Variants in FAM78A observed in about 807,000 individuals in gnomAD.
FAM78A encodes family with sequence similarity 78 member A.
FAM78A carries 12 observed loss-of-function variants against 22.6 expected under a neutral mutation model. The ratio of observed to expected loss-of-function variants is 0.53; its 90% CI spans 0.34 to 0.86. The LOEUF (loss-of-function observed/expected upper bound fraction) is 0.86, where lower values mean the gene tolerates loss of function less well. Among genes scored for constraint, FAM78A ranks in the 40% least tolerant of loss-of-function variants. The probability of loss-of-function intolerance (pLI) is 0.02; values close to 1 mark genes in which losing one functional copy is unlikely to be tolerated. For missense variants in FAM78A, 322 were observed against 396.1 expected, an observed-to-expected ratio of 0.81 and a Z score of 1.59; for synonymous variants, 151 against 155.8, an observed-to-expected ratio of 0.97 and a Z score of 0.23.
rs759476585 is a variant in FAM78A, at chr9:131,275,601, G to A, written c.323+256C>T. Among the ~76,000 whole-genome samples the A allele has an allele frequency of 1.5e-4, 23 of 152,230 alleles. No homozygotes were observed. The highest frequency in any genetic ancestry group is 2.6e-4 in the Non-Finnish European group (18 of 68,042). ...CTCTCTGCTTTCTCGGCATCTTGCA[G>A]GGAAGGACACAGGAACCCGGGGGGA... On this transcript the variant is annotated intron_variant, in intron 1 of 1. Transcript: ENST00000372271. This position sits in a 1 kb window ranked among gnomAD's most constrained non-coding sequence, Gnocchi z 4.6.
chr9:131,277,881 C>T (rs1393452720), upstream of FAM78A, among the ~76,000 whole-genome samples: 1 of 151,182 alleles, frequency 6.6e-6, no homozygotes, highest in Non-Finnish European at 1.5e-5. This position sits in a 1 kb window ranked among gnomAD's most constrained non-coding sequence, Gnocchi z 8.4. Flanking sequence ...CTGCCTCGCT[C>T]TGCTGCAGCA....
rs1024033115 is a variant in FAM78A, at chr9:131,258,488, G to GGGGCC, written c.*2329_*2333dup. On this transcript the variant is annotated 3_prime_UTR_variant, in exon 2 of 2. Coordinates refer to ENST00000372271, the MANE Select transcript of FAM78A (RefSeq NM_033387.4). ...GTGGGTCAGGGGGCAAGGTGGGCTG[G>GGGGCC]GGGCCGGGCATGCAGTGGGAGGGGT... The GGGGCC allele has an allele frequency of 3.3e-5, 5 of 152,300 alleles. No individual in the cohort carries two copies. The highest frequency in any genetic ancestry group is 1.2e-4 in the African/African-American group (5 of 41,460). 9.4% of individuals were successfully genotyped at this position (152,300 alleles called of 1,614,324 possible).
In FAM78A at chr9:131,258,784, G is replaced by A. The variant is rs570421812; in HGVS notation, c.*2038C>T. The stretch of plus-strand genomic sequence containing the variant: ...CTCAGACATGCAGCTGGGACCCACT[G>A]TTCCCCTAAGGCTACTGCCTTTCGG... On this transcript the variant is annotated 3_prime_UTR_variant, in exon 2 of 2. Coordinates refer to ENST00000372271, the MANE Select transcript of FAM78A (RefSeq NM_033387.4). 2.6e-5 allele frequency: 4 copies of A among 152,254 alleles called. No homozygotes were observed. Among genetic ancestry groups the A allele is most frequent in the African/African-American group, 4.8e-5 (2 of 41,448 alleles). 9.4% of individuals were successfully genotyped at this position (152,254 alleles called of 1,614,324 possible).
chr9:131,266,102 A>C (rs1835340787), intron 1 of FAM78A, among the ~76,000 whole-genome samples: 1 of 150,546 alleles, frequency 6.6e-6, no homozygotes, highest in African/African-American at 2.4e-5. Context: ...GCCATCCTGG[A>C]CTCTCCCTCG....
rs34943494 is a variant in FAM78A at position 131,269,101 on chromosome 9, CAA to C, written c.323+6754_323+6755del. Reference sequence around the variant, plus strand: ...GGGCGACAAGAACAAAACTTCGTCTCAAAAAAAAAAAAAAAAAAAAGAAGTGT... The same window carrying C: ...GGGCGACAAGAACAAAACTTCGTCTCAAAAAAAAAAAAAAAAAAGAAGTGT... On this transcript the variant is annotated intron_variant, in intron 1 of 1. Transcript: ENST00000372271. Among the ~76,000 whole-genome samples the C allele has an allele frequency of 1.1e-3, 95 of 89,784 alleles. 2 individuals are homozygous for C. Among genetic ancestry groups the C allele is most frequent in the South Asian group, 7.6e-3 (21 of 2,774 alleles). 58.9% of individuals were successfully genotyped at this position (89,784 alleles called of 152,430 possible).
In FAM78A at chr9:131,260,979, C is replaced by T. The variant is rs78360442; in HGVS notation, c.695G>A (p.Arg232Gln). 1.0e-4 allele frequency: 169 copies of T among 1,613,116 alleles called. No individual in the cohort carries two copies. The highest frequency in any genetic ancestry group is 5.1e-4 in the East Asian group (23 of 44,860). ...GGGCTGGTCCTGGGCGATGGGCTCC[C>T]GCAGCCGGGCGCGCTGGCCCAGGGG... ...NRPLGQRARL[R>Q]EPIAQDQPKI... is the part of the protein sequence containing the mutation. The change falls in exon 2 of 2, where the codon CGG becomes CAG. Residue 232 changes from arginine (R) to glutamine (Q), a missense_variant. Physicochemically the swap from Arg to Gln is conservative, Grantham distance 43. Coordinates refer to ENST00000372271, the MANE Select transcript of FAM78A (RefSeq NM_033387.4). This position sits in a 1 kb window ranked among gnomAD's most constrained non-coding sequence, Gnocchi z 5.4.
chr9:131,260,629 AT>A lies in FAM78A; in HGVS notation c.*192del. On this transcript the variant is annotated 3_prime_UTR_variant, in exon 2 of 2. Transcript: ENST00000372271. The surrounding 1 kb of genome is among the most constrained non-coding windows in gnomAD (Gnocchi z 5.4). ...CGTGGGGTCTGTCTGTCCTGCTTAGATCTCCCCTCTCCCTGAAAGGAAGCAG... is the reference window on the plus strand; with the variant it reads ...CGTGGGGTCTGTCTGTCCTGCTTAGACTCCCCTCTCCCTGAAAGGAAGCAG... 1 of 569,644 alleles carries A rather than the reference AT, an allele frequency of 1.8e-6. No homozygotes were observed. The highest frequency in any genetic ancestry group is 3.7e-5 in the Admixed American group (1 of 27,102). The allele number at this position is 569,644 out of a possible 1,614,324, so 35.3% of individuals were successfully genotyped here. A position where few individuals can be genotyped will look rare whatever the true frequency, so the allele number is the denominator to read the frequency against.
rs1835469768 is a variant in FAM78A, at chr9:131,275,423, G to C, written c.323+434C>G. Reference sequence around the variant, plus strand: ...GCAAAGCCCTGAACACACCGGTCTGGGAGTTGCAGAGTGCCTGAATGTCTG... The same window carrying C: ...GCAAAGCCCTGAACACACCGGTCTGCGAGTTGCAGAGTGCCTGAATGTCTG... On this transcript the variant is annotated intron_variant, in intron 1 of 1. Transcript: ENST00000372271. The surrounding 1 kb of genome is among the most constrained non-coding windows in gnomAD (Gnocchi z 4.6). Among the ~76,000 whole-genome samples, 1 of 152,244 alleles carries C rather than the reference G, an allele frequency of 6.6e-6. No individual in the cohort carries two copies. The highest frequency in any genetic ancestry group is 2.4e-5 in the African/African-American group (1 of 41,452).
At chr9:131,266,685 G>A (rs1367586257) in intron 1 of FAM78A, among the ~76,000 whole-genome samples, 5 of 152,068 alleles carry the variant, frequency 3.3e-5, no homozygotes, top group Admixed American at 3.3e-4. Context: ...TCATGAGGGT[G>A]ATTAAATACT....
intron 1 of FAM78A, among the ~76,000 whole-genome samples, chr9:131,266,488 CTCCTCCTCCTCCACTCCTCTT>C (rs1263481592): frequency 6.6e-6 from 1 of 151,986 alleles, no homozygotes; most frequent in African/African-American, 2.4e-5. Context: ...CATCCTCATC[CTCCTCCTCCTCCACTCCTCTT>C]TCCTCCTCCT....
At chr9:131,277,354 C>A (rs1333748456), upstream of FAM78A, among the ~76,000 whole-genome samples, 1 of 151,918 alleles carries the variant, frequency 6.6e-6, no homozygotes, top group Non-Finnish European at 1.5e-5. This position sits in a 1 kb window ranked among gnomAD's most constrained non-coding sequence, Gnocchi z 8.4. Context: ...GCCGTCGGAT[C>A]CGGCGGGCAC....
intron 1 of FAM78A, among the ~76,000 whole-genome samples, chr9:131,269,084 A>G (rs1251941990): frequency 6.9e-6 from 1 of 145,942 alleles, no homozygotes; most frequent in Admixed American, 6.9e-5. Flanking sequence ...CTGGGCGACA[A>G]GAACAAAACT....
upstream of FAM78A, among the ~76,000 whole-genome samples, chr9:131,277,530 G>T (rs1215954977): frequency 6.6e-6 from 1 of 151,820 alleles, no homozygotes; most frequent in Admixed American, 6.6e-5. The surrounding 1 kb of genome is among the most constrained non-coding windows in gnomAD (Gnocchi z 8.4). Context: ...CCCCACTCGG[G>T]CGGCGCCGCC....
chr9:131,267,173 C>G (rs1236420073), intron 1 of FAM78A, among the ~76,000 whole-genome samples: 1 of 152,146 alleles, frequency 6.6e-6, no homozygotes, highest in East Asian at 1.9e-4. Flanking sequence ...GCTCTTACCC[C>G]ACCAGCCTCT....
rs1008374603 is a variant in FAM78A, at chr9:131,270,037, TA to T, written c.323+5819del. Among the ~76,000 whole-genome samples the T allele has an allele frequency of 8.7e-3, 742 of 85,642 alleles. 5 individuals carry two copies. The highest frequency in any genetic ancestry group is 0.026 in the African/African-American group (534 of 20,292). 56.2% of individuals were successfully genotyped at this position (85,642 alleles called of 152,430 possible). A position where few individuals can be genotyped will look rare whatever the true frequency, so the allele number is the denominator to read the frequency against. ...TGGTGAAACCCCATCCCTACTAAAA[TA>T]AAAAAAAAAAAAAAAAAAAAAGCCA... On this transcript the variant is annotated intron_variant, in intron 1 of 1. Transcript: ENST00000372271.
rs1044354477 is a variant in FAM78A, at chr9:131,275,704, A to G, written c.323+153T>C. Among the ~76,000 whole-genome samples the G allele has an allele frequency of 1.3e-5, 2 of 152,212 alleles. No homozygotes were observed. The highest frequency in any genetic ancestry group is 4.8e-5 in the African/African-American group (2 of 41,468). ...AACTTTTCAGGGAGCCACCGGGCCAATGAGGCCACCTGCATACCTGCCTAA... is the reference window on the plus strand; with the variant it reads ...AACTTTTCAGGGAGCCACCGGGCCAGTGAGGCCACCTGCATACCTGCCTAA... On this transcript the variant is annotated intron_variant, in intron 1 of 1. Coordinates refer to ENST00000372271, the MANE Select transcript of FAM78A (RefSeq NM_033387.4). The surrounding 1 kb of genome is among the most constrained non-coding windows in gnomAD (Gnocchi z 4.6).
chr9:131,267,977 G>A (rs373093659), intron 1 of FAM78A, among the ~76,000 whole-genome samples: 2 of 151,326 alleles, frequency 1.3e-5, no homozygotes. Context: ...GCATGAACCC[G>A]GGAGGCGGAG....
upstream of FAM78A, among the ~76,000 whole-genome samples, chr9:131,277,128 G>T (rs2131200101): frequency 6.6e-6 from 1 of 150,944 alleles, no homozygotes; most frequent in African/African-American, 2.4e-5. This position sits in a 1 kb window ranked among gnomAD's most constrained non-coding sequence, Gnocchi z 8.4. Flanking sequence ...CCCCGTCAGT[G>T]GCGGCCGCAC....
Position 131,272,138 on chromosome 9 carries a change from T to C in FAM78A, c.323+3719A>G, listed in dbSNP as rs562756066. On this transcript the variant is annotated intron_variant, in intron 1 of 1. Transcript: ENST00000372271. The surrounding 1 kb of genome is among the most constrained non-coding windows in gnomAD (Gnocchi z 4.1). ...GCAGGGATAACGTTTGGGGGTATTA[T>C]GGATTTTGGTTAAGTATTTGGAATT... Among the ~76,000 whole-genome samples the C allele has an allele frequency of 4.9e-4, 75 of 152,308 alleles. No individual in the cohort carries two copies. Among genetic ancestry groups the C allele is most frequent in the African/African-American group, 1.8e-3 (74 of 41,562 alleles).
Sources: gnomAD v4.1 joint callset for allele counts (sites outside exome capture counted in the v4.1 genomes callset) on GRCh38, gnomAD v4.1.1 for gene constraint, Gnocchi (gnomAD v3.1) non-coding constraint, MANE v1.5 for transcripts, NCBI Gene and HGNC (gene_info 2026-07-23, HGNC 2026-07-21) for gene names.